Variants in ABCA13 observed in about 807,000 individuals in gnomAD.
ABCA13 encodes ATP binding cassette subfamily A member 13.
In ABCA13, 476 loss-of-function variants were observed where a neutral mutation model predicts 478.7. The observed-to-expected ratio is 0.99, with a 90% CI of 0.92 to 1.07. The LOEUF (loss-of-function observed/expected upper bound fraction) is 1.07. Ranked by LOEUF, ABCA13 falls within the 50% of genes least tolerant of loss-of-function variation. The probability of loss-of-function intolerance (pLI) is 0.00; values close to 1 mark genes in which losing one functional copy is unlikely to be tolerated. For missense variants in ABCA13, 6,060 were observed against 5,910.6 expected (o/e 1.03, Z -0.83); for synonymous variants, 2,252 against 2,158.9 (o/e 1.04, Z -1.20).
intron 1 of ABCA13, among the ~76,000 whole-genome samples, chr7:48,171,826 A>C: frequency 6.6e-6 from 1 of 152,276 alleles, no homozygotes; most frequent in East Asian, 1.9e-4. Context: ...AAGCAGGTGG[A>C]ATTGAACTAT....
intron 27 of ABCA13, among the ~76,000 whole-genome samples, chr7:48,334,036 C>G (rs1264070879): frequency 6.6e-6 from 1 of 152,178 alleles, no homozygotes; most frequent in Non-Finnish European, 1.5e-5. Context: ...CTCCTGGTCC[C>G]TCCAGAGAGG....
chr7:48,576,031 AC>A (rs780353211), intron 55 of ABCA13, among the ~76,000 whole-genome samples: 2 of 152,144 alleles, frequency 1.3e-5, no homozygotes, highest in Non-Finnish European at 2.9e-5. Context: ...CAGCATAACC[AC>A]CGTTTATATA....
intron 39 of ABCA13, chr7:48,404,156 GTCT>G (rs1817970625): frequency 5.3e-6 from 2 of 374,578 alleles, no homozygotes; most frequent in South Asian, 2.1e-5. Context: ...AAGGAAAATT[GTCT>G]TCTTCTGGAA....
intron 15 of ABCA13, among the ~76,000 whole-genome samples, chr7:48,262,380 CCT>C (rs1210382350): frequency 2.0e-5 from 3 of 151,832 alleles, no homozygotes; most frequent in Non-Finnish European, 2.9e-5. Flanking sequence ...TTTAGTTCAA[CCT>C]CTCATGCTTA....
At chr7:48,370,945 TAA>T (rs1418329059) in intron 32 of ABCA13, among the ~76,000 whole-genome samples, 3 of 152,214 alleles carry the variant, frequency 2.0e-5, no homozygotes, top group Non-Finnish European at 4.4e-5. Context: ...CATCTTGAGT[TAA>T]GTTTTATATA....
chr7:48,354,478 G>A (rs1349141494), intron 31 of ABCA13, among the ~76,000 whole-genome samples: 1 of 152,026 alleles, frequency 6.6e-6, no homozygotes, highest in East Asian at 1.9e-4. Flanking sequence ...AAGAGAGCTA[G>A]AAAGGAGGAA....
chr7:48,513,054 C>T (rs775085320), intron 51 of ABCA13, among the ~76,000 whole-genome samples: 12 of 152,320 alleles, frequency 7.9e-5, no homozygotes, highest in Admixed American at 3.3e-4. Context: ...CAACCTCCCC[C>T]GCCACTGTAA....
chr7:48,497,848 T>C (rs1187779674), intron 48 of ABCA13, among the ~76,000 whole-genome samples: 1 of 152,166 alleles, frequency 6.6e-6, no homozygotes, highest in Admixed American at 6.5e-5. Context: ...AAGTATTCTT[T>C]AGTCTCATCG....
chr7:48,450,859 C>T (rs1824914888), intron 42 of ABCA13, among the ~76,000 whole-genome samples: 2 of 152,002 alleles, frequency 1.3e-5, no homozygotes, highest in Non-Finnish European at 1.5e-5. Context: ...TGAGTATTTA[C>T]CTATACTATT....
At chr7:48,442,225 T>C (rs1408024874) in intron 42 of ABCA13, among the ~76,000 whole-genome samples, 1 of 152,208 alleles carries the variant, frequency 6.6e-6, no homozygotes, top group Non-Finnish European at 1.5e-5. Flanking sequence ...TCCCCAGTTG[T>C]ATTATGACTT....
At chr7:48,397,675 T>C (rs918643741) in intron 38 of ABCA13, among the ~76,000 whole-genome samples, 5 of 152,164 alleles carry the variant, frequency 3.3e-5, no homozygotes, top group Non-Finnish European at 4.4e-5. Flanking sequence ...ATGGGATCAG[T>C]ATTTGTTTAG....
intron 23 of ABCA13, among the ~76,000 whole-genome samples, chr7:48,306,146 C>A (rs569941855): frequency 2.6e-5 from 4 of 152,256 alleles, no homozygotes; most frequent in African/African-American, 7.2e-5. Flanking sequence ...GGAGAGGGAG[C>A]AAATGTGCTG....
At chr7:48,569,174 GT>G (rs1390205562) in intron 55 of ABCA13, among the ~76,000 whole-genome samples, 1 of 151,666 alleles carries the variant, frequency 6.6e-6, no homozygotes, top group Non-Finnish European at 1.5e-5. Context: ...GTTTGCTTTA[GT>G]TTTTCTAATT....
chr7:48,391,874 A>G (rs1661593750), intron 37 of ABCA13, 47 bp from the exon 38 acceptor site: 3 of 1,561,976 alleles, frequency 1.9e-6, no homozygotes, highest in Admixed American at 1.8e-5. Flanking sequence ...TGACGTTCAC[A>G]GTATCAGCAA....
intron 37 of ABCA13, among the ~76,000 whole-genome samples, chr7:48,390,862 CTT>C (rs1467117201): frequency 6.6e-6 from 1 of 152,162 alleles, no homozygotes; most frequent in Admixed American, 6.5e-5. Context: ...GGTTGTTTCT[CTT>C]TGTCAGTGAT....
At position 48,274,186 on chromosome 7, in the gene ABCA13, TAAC is replaced by T; in HGVS notation, c.4525_4527del (p.Thr1509del). ...CAAGTAAGGATGAGTATCAACAACT[TAAC>T]AACAGACTTTGATTTTGCATCTCAG... On this transcript the variant is annotated inframe_deletion, in exon 17 of 62. Transcript: ENST00000435803. The T allele has an allele frequency of 1.9e-6, 3 of 1,612,176 alleles. No individual in the cohort carries two copies. The South Asian group carries it at 3.3e-5, about 18-fold the overall frequency.
chr7:48,426,031 G>A (rs933885118), intron 41 of ABCA13, among the ~76,000 whole-genome samples: 9 of 152,098 alleles, frequency 5.9e-5, no homozygotes, highest in Non-Finnish European at 1.2e-4. Context: ...GTGAGCCACC[G>A]CGCCCGGCCT....
chr7:48,610,166 G>A (rs375772501), intron 58 of ABCA13, among the ~76,000 whole-genome samples: 3 of 152,252 alleles, frequency 2.0e-5, no homozygotes, highest in African/African-American at 7.2e-5. Flanking sequence ...TTACTTCCAA[G>A]ATACAATGAG....
At chr7:48,432,029 T>A (rs1822217154) in intron 42 of ABCA13, among the ~76,000 whole-genome samples, 1 of 152,198 alleles carries the variant, frequency 6.6e-6, no homozygotes, top group South Asian at 2.1e-4. Flanking sequence ...TAATTTTACA[T>A]ACGTAACAAA....
Sources: gnomAD v4.1 joint callset for allele counts (sites outside exome capture counted in the v4.1 genomes callset) on GRCh38, gnomAD v4.1.1 for gene constraint, MANE v1.5 for transcripts, NCBI Gene and HGNC (gene_info 2026-07-23, HGNC 2026-07-21) for gene names.